The following DLG2 variants were observed in gnomAD, a reference collection of about 807,000 sequenced individuals.
The protein encoded by DLG2 is disks large homolog 2.
DLG2 carries 45 observed loss-of-function variants against 132.5 expected under a neutral mutation model. The observed-to-expected ratio is 0.34, with a 90% CI of 0.27 to 0.44. The LOEUF (loss-of-function observed/expected upper bound fraction) is 0.44. Among genes scored for constraint, DLG2 ranks in the 20% least tolerant of loss-of-function variants. DLG2 has a pLI of 1.00. For synonymous variants in DLG2, 424 were observed against 419.6 expected (o/e 1.01, Z -0.13); for missense variants, 1,045 against 1,196.9 (o/e 0.87, Z 1.87).
chr11:84,663,240 T>C (rs966613059), intron 6 of DLG2, among the ~76,000 whole-genome samples: 1 of 65,876 alleles, frequency 1.5e-5, no homozygotes, highest in African/African-American at 6.0e-5. Context: ...TATATATATA[T>C]ATATATATAT....
intron 6 of DLG2, among the ~76,000 whole-genome samples, chr11:85,069,559 T>C (rs1300659723): frequency 2.6e-5 from 4 of 152,064 alleles, no homozygotes; most frequent in South Asian, 2.1e-4. Context: ...AAAATGCTCA[T>C]CATCACTGGC....
chr11:85,079,868 G>GATCC (rs1215081867), intron 6 of DLG2, among the ~76,000 whole-genome samples: 1 of 152,032 alleles, frequency 6.6e-6, no homozygotes, highest in Non-Finnish European at 1.5e-5. Context: ...CTGAGCTTGT[G>GATCC]ATCCACCTGT....
chr11:85,345,136 AT>A (rs1290654132), intron 3 of DLG2, among the ~76,000 whole-genome samples: 1 of 152,144 alleles, frequency 6.6e-6, no homozygotes, highest in African/African-American at 2.4e-5. Flanking sequence ...AAAATAGACC[AT>A]TTCAAATCAT....
chr11:83,751,768 A>T (rs540622450), intron 18 of DLG2, among the ~76,000 whole-genome samples: 1 of 152,344 alleles, frequency 6.6e-6, no homozygotes, highest in South Asian at 2.1e-4. Flanking sequence ...GAAGATCAAA[A>T]GGTCAATTTT....
At chr11:84,701,046 G>C (rs2059169206) in intron 6 of DLG2, among the ~76,000 whole-genome samples, 1 of 151,518 alleles carries the variant, frequency 6.6e-6, no homozygotes, top group Non-Finnish European at 1.5e-5. Context: ...TCACACGGCT[G>C]GGTGAACACT....
chr11:84,349,768 G>GC (rs1373432921), intron 7 of DLG2, among the ~76,000 whole-genome samples: 1 of 152,082 alleles, frequency 6.6e-6, no homozygotes, highest in East Asian at 1.9e-4. Flanking sequence ...GTCACTTTTG[G>GC]CAGAGAGGAT....
chr11:83,613,548 G>C (rs558549332), intron 19 of DLG2, among the ~76,000 whole-genome samples: 2 of 152,160 alleles, frequency 1.3e-5, no homozygotes, highest in African/African-American at 4.8e-5. Context: ...TATTTTTGCT[G>C]AGTGTTAGCA....
intron 6 of DLG2, among the ~76,000 whole-genome samples, chr11:84,725,476 C>CATTGCATTTTTATCA (rs2153804116): frequency 6.6e-6 from 1 of 152,148 alleles, no homozygotes; most frequent in South Asian, 2.1e-4. Flanking sequence ...GTAAGTGGAA[C>CATTGCATTTTTATCA]ATTGCATTTT....
chr11:84,945,696 A>G (rs1342190370), intron 6 of DLG2, among the ~76,000 whole-genome samples: 4 of 152,094 alleles, frequency 2.6e-5, no homozygotes, highest in South Asian at 4.1e-4. Context: ...CAGAAATGCC[A>G]TGTGTTAGCT....
intron 4 of DLG2, among the ~76,000 whole-genome samples, chr11:85,284,753 A>G (rs1164622158): frequency 6.6e-6 from 1 of 151,984 alleles, no homozygotes; most frequent in Non-Finnish European, 1.5e-5. Context: ...CCAAATATAG[A>G]AAATTTTAAA....
intron 8 of DLG2, among the ~76,000 whole-genome samples, chr11:84,201,802 T>C (rs530521100): frequency 8.5e-6 from 1 of 117,426 alleles, no homozygotes; most frequent in South Asian, 2.8e-4. Context: ...TAGAAGAAAC[T>C]ATTTTCTTTT....
chr11:84,015,274 C>T (rs1382200399), intron 11 of DLG2, among the ~76,000 whole-genome samples: 5 of 152,114 alleles, frequency 3.3e-5, no homozygotes, highest in Non-Finnish European at 7.4e-5. Flanking sequence ...AAGATGATTA[C>T]GTATGAAAGC....
At chr11:85,173,574 C>T (rs1008304520) in intron 4 of DLG2, among the ~76,000 whole-genome samples, 17 of 152,110 alleles carry the variant, frequency 1.1e-4, no homozygotes, top group African/African-American at 4.1e-4. Flanking sequence ...ATAAACAAGT[C>T]TGCTAAGTAA....
At chr11:84,441,293 C>T (rs1011178713) in intron 7 of DLG2, among the ~76,000 whole-genome samples, 1 of 152,064 alleles carries the variant, frequency 6.6e-6, no homozygotes, top group Admixed American at 6.5e-5. Context: ...ACAGTAGGCA[C>T]ATACCATCAT....
chr11:84,839,297 G>C (rs1018143457), intron 6 of DLG2, among the ~76,000 whole-genome samples: 1 of 152,018 alleles, frequency 6.6e-6, no homozygotes, highest in Non-Finnish European at 1.5e-5. Context: ...AGATGCGAAG[G>C]ACCTCTTCAA....
intron 4 of DLG2, among the ~76,000 whole-genome samples, chr11:85,173,628 T>C (rs916733367): frequency 2.0e-5 from 3 of 152,012 alleles, no homozygotes; most frequent in Admixed American, 2.0e-4. Context: ...CACATAACAA[T>C]AGTAACCTTA....
At chr11:85,127,242 GC>G (rs1382267802) in intron 5 of DLG2, among the ~76,000 whole-genome samples, 2 of 55,368 alleles carry the variant, frequency 3.6e-5, no homozygotes, top group African/African-American at 7.3e-5. Context: ...CTCTCCCCCC[GC>G]CCCCCACCCA....
intron 17 of DLG2, among the ~76,000 whole-genome samples, chr11:83,793,354 A>G (rs1487194901): frequency 6.6e-6 from 1 of 151,902 alleles, no homozygotes; most frequent in East Asian, 1.9e-4. Context: ...TTTTCTCTTC[A>G]CCAATCTATT....
chr11:84,619,981 TAAACAA>T (rs900812542), intron 6 of DLG2, among the ~76,000 whole-genome samples: 2 of 151,358 alleles, frequency 1.3e-5, no homozygotes, highest in African/African-American at 4.8e-5. Flanking sequence ...GAATAAAACC[TAAACAA>T]AGACACACCT....
Sources: allele counts gnomAD v4.1 joint callset (sites outside exome capture counted in the v4.1 genomes callset), GRCh38; gene constraint gnomAD v4.1.1; transcripts MANE v1.5; gene names NCBI Gene and HGNC (gene_info 2026-07-23, HGNC 2026-07-21).